The following VWC2L variants were observed in gnomAD, a reference collection of about 807,000 sequenced individuals.
VWC2L encodes von Willebrand factor C domain containing 2 like.
A neutral mutation model predicts 21.6 loss-of-function variants in VWC2L; 10 were observed. The ratio of observed to expected loss-of-function variants is 0.46; its 90% CI spans 0.29 to 0.78. VWC2L has a LOEUF of 0.78. VWC2L is among the 30% of genes least tolerant of loss of function. The pLI is 0.10. For synonymous variants in VWC2L, 96 were observed against 94.3 expected, an observed-to-expected ratio of 1.02 and a Z score of -0.10; for missense variants, 209 against 277.1, an observed-to-expected ratio of 0.75 and a Z score of 1.74.
intron 3 of VWC2L, among the ~76,000 whole-genome samples, chr2:214,495,855 A>T (rs1311028379): frequency 6.6e-6 from 1 of 152,174 alleles, no homozygotes; most frequent in Non-Finnish European, 1.5e-5. Flanking sequence ...CAGCTTCAAA[A>T]CATGTAAATT....
Position 214,414,462 on chromosome 2 carries a change from GC to G in VWC2L, c.272del (p.Pro91LeufsTer22). ...LDGPVCDQPE[C>X]PKIHPKCTKV... ...GGACCTGTTTGCGACCAACCAGAAT[GC>G]CCTAAAATTCACCCAAAGTGTACTA... On this transcript the variant is annotated frameshift_variant, in exon 2 of 4. Transcript: ENST00000312504. LOFTEE classifies it high-confidence loss of function. 1 of 1,613,454 alleles carries G rather than the reference GC, an allele frequency of 6.2e-7. No individual in the cohort carries two copies. The highest frequency in any genetic ancestry group is 1.1e-5 in the South Asian group (1 of 91,024).
At chr2:214,478,254 G>A (rs1279560182) in intron 3 of VWC2L, among the ~76,000 whole-genome samples, 5 of 152,110 alleles carry the variant, frequency 3.3e-5, no homozygotes, top group South Asian at 4.2e-4. Context: ...CGAGGCAGGC[G>A]GATCACCTGA....
At chr2:214,428,125 ACT>A (rs572844735) in intron 2 of VWC2L, among the ~76,000 whole-genome samples, 2 of 152,146 alleles carry the variant, frequency 1.3e-5, no homozygotes, top group Non-Finnish European at 2.9e-5. Flanking sequence ...GGGGAAGGAA[ACT>A]CTGACGAAGT....
chr2:214,424,238 C>T lies in VWC2L; in HGVS notation c.390+9655C>T, dbSNP rs1163459316. Among the ~76,000 whole-genome samples, 4 of 152,090 alleles carry T rather than the reference C, an allele frequency of 2.6e-5. No individual in the cohort carries two copies. In the East Asian group the frequency reaches 5.8e-4, roughly 22 times the overall value. ...ATTGTTTTCTAAGGAATGCTAGCAT[C>T]CTGTGTGATTGTTCATAAGGGTTTC... On this transcript the variant is annotated intron_variant, in intron 2 of 3. Coordinates refer to ENST00000312504, the MANE Select transcript of VWC2L (RefSeq NM_001080500.4).
intron 3 of VWC2L, among the ~76,000 whole-genome samples, chr2:214,566,169 G>A (rs1313354640): frequency 1.3e-5 from 2 of 152,170 alleles, no homozygotes; most frequent in Non-Finnish European, 2.9e-5. Context: ...AAACTAAGCA[G>A]ATTAAATGTT....
At chr2:214,452,062 C>T (rs971570544) in intron 3 of VWC2L, among the ~76,000 whole-genome samples, 1 of 152,176 alleles carries the variant, frequency 6.6e-6, no homozygotes, top group African/African-American at 2.4e-5. Flanking sequence ...CTCTGTTCTG[C>T]TTTCAGTCCT....
In VWC2L at chr2:214,505,523, A is replaced by G. The variant is rs573403751; in HGVS notation, c.520+68765A>G. The stretch of plus-strand genomic sequence containing the variant: ...TGATTAAGAAATACTCAAAGGTATA[A>G]TCAGGTCCTTGCACAGTATTTAATT... On this transcript the variant is annotated intron_variant, in intron 3 of 3. Transcript: ENST00000312504. 2.6e-5 allele frequency among the ~76,000 whole-genome samples: 4 copies of G among 152,202 alleles called. No individual in the cohort carries two copies. In the East Asian group the frequency reaches 7.7e-4, roughly 29 times the overall value.
chr2:214,543,509 A>C (rs1247928790), intron 3 of VWC2L, among the ~76,000 whole-genome samples: 2 of 152,192 alleles, frequency 1.3e-5, no homozygotes, highest in Non-Finnish European at 2.9e-5. Context: ...TTTTGAAGAT[A>C]GTTATCAAAT....
chr2:214,552,653 T>C (rs1349690795), intron 3 of VWC2L, among the ~76,000 whole-genome samples: 1 of 152,236 alleles, frequency 6.6e-6, no homozygotes, highest in Admixed American at 6.5e-5. Context: ...TCTATTTCTC[T>C]ACTCACGACT....
At chr2:214,573,047 G>A (rs55858426) in intron 3 of VWC2L, among the ~76,000 whole-genome samples, 2,620 of 152,254 alleles carry the variant, frequency 0.017, 41 homozygotes, top group Non-Finnish European at 0.027. Context: ...CACACTGACC[G>A]TAGTACGATA....
At chr2:214,434,836 T>G (rs915669163) in intron 2 of VWC2L, among the ~76,000 whole-genome samples, 3 of 152,182 alleles carry the variant, frequency 2.0e-5, no homozygotes, top group Admixed American at 2.0e-4. Flanking sequence ...TAGGATTCTC[T>G]TCAGAATTTT....
chr2:214,489,629 G>A (rs1476689830), intron 3 of VWC2L, among the ~76,000 whole-genome samples: 1 of 152,204 alleles, frequency 6.6e-6, no homozygotes, highest in African/African-American at 2.4e-5. Flanking sequence ...CTGAGATAGG[G>A]AGCTCTGGAG....
At chr2:214,532,550 T>G (rs1325521367) in intron 3 of VWC2L, among the ~76,000 whole-genome samples, 1 of 152,160 alleles carries the variant, frequency 6.6e-6, no homozygotes, top group Non-Finnish European at 1.5e-5. Flanking sequence ...TTTCCATTTT[T>G]TGTTGGTATT....
chr2:214,446,834 G>C (rs1459279849), intron 3 of VWC2L, among the ~76,000 whole-genome samples: 3 of 152,150 alleles, frequency 2.0e-5, no homozygotes, highest in African/African-American at 7.2e-5. Flanking sequence ...ACGCTTGAGA[G>C]ACTGATGGAA....
chr2:214,559,325 A>G (rs930643735), intron 3 of VWC2L, among the ~76,000 whole-genome samples: 3 of 152,134 alleles, frequency 2.0e-5, no homozygotes, highest in African/African-American at 7.2e-5. Context: ...AACCAACTAT[A>G]GTTTTTTAAA....
chr2:214,566,254 G>A (rs954594602), intron 3 of VWC2L, among the ~76,000 whole-genome samples: 1 of 152,112 alleles, frequency 6.6e-6, no homozygotes, highest in Non-Finnish European at 1.5e-5. Flanking sequence ...GCTACAGCTG[G>A]CAAACGTAGG....
Position 214,576,015 on chromosome 2 carries a change from T to C in VWC2L, c.*195T>C. The C allele has an allele frequency of 2.0e-6, 1 of 488,886 alleles. No homozygotes were observed. Among genetic ancestry groups the C allele is most frequent in the Non-Finnish European group, 3.6e-6 (1 of 281,672 alleles). 30.3% of individuals were successfully genotyped at this position (488,886 alleles called of 1,614,324 possible). ...TCTCTCTTGCTATATAAAATATATA[T>C]AGTATATAGCTATCTAAATCGCTTT... On this transcript the variant is annotated 3_prime_UTR_variant, in exon 4 of 4. Coordinates refer to ENST00000312504, the MANE Select transcript of VWC2L (RefSeq NM_001080500.4).
At chr2:214,474,724 C>T (rs1688479342) in intron 3 of VWC2L, among the ~76,000 whole-genome samples, 1 of 152,006 alleles carries the variant, frequency 6.6e-6, no homozygotes, top group African/African-American at 2.4e-5. Context: ...CTTAGACTCT[C>T]CACGTGAATT....
At chr2:214,518,061 G>A (rs1442100795) in intron 3 of VWC2L, among the ~76,000 whole-genome samples, 2 of 152,128 alleles carry the variant, frequency 1.3e-5, no homozygotes, top group Non-Finnish European at 1.5e-5. Context: ...AGCTACTTGG[G>A]AGACTGAGGC....
Sources: gnomAD v4.1 joint callset for allele counts (sites outside exome capture counted in the v4.1 genomes callset) on GRCh38, gnomAD v4.1.1 for gene constraint, MANE v1.5 for transcripts, NCBI Gene and HGNC (gene_info 2026-07-23, HGNC 2026-07-21) for gene names.